MYRIP: variants seen among roughly 807,000 people sequenced by gnomAD.
MYRIP encodes the protein rab effector MyRIP.
In MYRIP, 49 loss-of-function variants were observed where a neutral mutation model predicts 98.0. The ratio of observed to expected loss-of-function variants is 0.50; its 90% CI spans 0.40 to 0.63. The LOEUF (loss-of-function observed/expected upper bound fraction) is 0.63, where lower values mean the gene tolerates loss of function less well. Ranked by LOEUF, MYRIP falls within the 30% of genes least tolerant of loss-of-function variation. The probability of loss-of-function intolerance (pLI) is 0.00; values close to 1 mark genes in which losing one functional copy is unlikely to be tolerated. For missense variants in MYRIP, 1,004 were observed against 1,058.2 expected (o/e 0.95, Z 0.71); for synonymous variants, 404 against 409.5 (o/e 0.99, Z 0.16).
At chr3:39,922,740 G>A (rs1944333056) in intron 2 of MYRIP, among the ~76,000 whole-genome samples, 1 of 152,114 alleles carries the variant, frequency 6.6e-6, no homozygotes, top group Non-Finnish European at 1.5e-5. Context: ...TAAAACAGAG[G>A]TTTAAATAAG....
At chr3:39,882,793 T>C (rs1943186977) in intron 1 of MYRIP, among the ~76,000 whole-genome samples, 1 of 152,180 alleles carries the variant, frequency 6.6e-6, no homozygotes, top group Admixed American at 6.6e-5. Context: ...TTACATACTT[T>C]GAATTAGGAA....
At position 39,905,371 on chromosome 3, in the gene MYRIP, G is replaced by A. The variant is rs560009805; in HGVS notation, c.110+4445G>A. 1.7e-4 allele frequency among the ~76,000 whole-genome samples: 26 copies of A among 152,202 alleles called. No homozygotes were observed. The South Asian group carries it at 5.2e-3, about 30-fold the overall frequency. On this transcript the variant is annotated intron_variant, in intron 2 of 16. Transcript: ENST00000302541. Reference sequence around the variant, plus strand: ...TATATCAGTATTAGACATTCTTTCAGTTTTCTGCTCTGAAATTGGGGACTT... The same window carrying A: ...TATATCAGTATTAGACATTCTTTCAATTTTCTGCTCTGAAATTGGGGACTT...
intron 9 of MYRIP, 61 bp downstream of exon 9, chr3:40,182,434 T>TCCA: frequency 6.5e-7 from 1 of 1,546,266 alleles, no homozygotes; most frequent in Non-Finnish European, 8.8e-7. Flanking sequence ...TTTGGAGACA[T>TCCA]CTTGGCTATT....
chr3:40,063,427 T>G (rs973503765), intron 3 of MYRIP, among the ~76,000 whole-genome samples: 1 of 152,158 alleles, frequency 6.6e-6, no homozygotes, highest in Non-Finnish European at 1.5e-5. Flanking sequence ...TAAAGCAACA[T>G]ATTTATTACT....
At chr3:39,995,583 G>A (rs1264325904) in intron 2 of MYRIP, among the ~76,000 whole-genome samples, 1 of 152,204 alleles carries the variant, frequency 6.6e-6, no homozygotes, top group Non-Finnish European at 1.5e-5. Context: ...AAGTGACGGG[G>A]AGAATGGAAC....
At chr3:39,827,146 T>C (rs1941290267) in intron 1 of MYRIP, among the ~76,000 whole-genome samples, 1 of 152,200 alleles carries the variant, frequency 6.6e-6, no homozygotes, top group African/African-American at 2.4e-5. Context: ...AAGATCTTGC[T>C]TTGCTGCCCA....
At chr3:39,893,659 T>C (rs1229610411) in intron 1 of MYRIP, among the ~76,000 whole-genome samples, 1 of 146,608 alleles carries the variant, frequency 6.8e-6, no homozygotes, top group Non-Finnish European at 1.5e-5. Context: ...ATTAGTTAAT[T>C]ATTTTAAGTG....
At chr3:40,152,698 T>G (rs1034902823) in intron 4 of MYRIP, among the ~76,000 whole-genome samples, 56 of 152,222 alleles carry the variant, frequency 3.7e-4, no homozygotes, top group African/African-American at 1.3e-3. Context: ...CATTCAGGAT[T>G]ACACAGCTGC....
At chr3:39,853,236 T>A (rs1942192119) in intron 1 of MYRIP, among the ~76,000 whole-genome samples, 1 of 152,242 alleles carries the variant, frequency 6.6e-6, no homozygotes, top group South Asian at 2.1e-4. Flanking sequence ...GTGTCTTTTT[T>A]AATATAATGA....
chr3:39,986,424 C>T (rs79943535), intron 2 of MYRIP, among the ~76,000 whole-genome samples: 2,851 of 149,702 alleles, frequency 0.019, 32 homozygotes, highest in Non-Finnish European at 0.032. Context: ...TCCCCACTCC[C>T]TCTCTGTCTC....
rs143756520 is a variant in MYRIP at position 40,057,937 on chromosome 3, T to C, written c.332+13666T>C. 2.1e-4 allele frequency among the ~76,000 whole-genome samples: 32 copies of C among 152,280 alleles called. 1 individual carries two copies. The highest frequency in any genetic ancestry group is 7.5e-4 in the African/African-American group (31 of 41,566). Reference sequence around the variant, plus strand: ...TAACAGTACTTTCCTCAAAAGATTATTGTAGAGGAAAAGAGGGATACAGCA... The same window carrying C: ...TAACAGTACTTTCCTCAAAAGATTACTGTAGAGGAAAAGAGGGATACAGCA... On this transcript the variant is annotated intron_variant, in intron 3 of 16. Transcript: ENST00000302541.
In MYRIP at chr3:40,075,122, A is replaced by G. The variant is rs574592989; in HGVS notation, c.332+30851A>G. The stretch of plus-strand genomic sequence containing the variant: ...AAAATTAACAAAACATTTAAGTTTA[A>G]TGACATCCAGTATTGATACATGTAT... On this transcript the variant is annotated intron_variant, in intron 3 of 16. Transcript: ENST00000302541. Among the ~76,000 whole-genome samples the G allele has an allele frequency of 2.0e-5, 3 of 152,248 alleles. No homozygotes were observed. In the South Asian group the frequency reaches 6.2e-4, roughly 31 times the overall value.
intron 10 of MYRIP, among the ~76,000 whole-genome samples, chr3:40,197,673 C>T (rs1951436298): frequency 6.6e-6 from 1 of 152,164 alleles, no homozygotes. Flanking sequence ...TAGCTTTTTA[C>T]ACCTCTTAAT....
chr3:39,875,543 T>C (rs1411196490), intron 1 of MYRIP, among the ~76,000 whole-genome samples: 1 of 152,004 alleles, frequency 6.6e-6, no homozygotes, highest in Non-Finnish European at 1.5e-5. Context: ...ATGTTGTGTC[T>C]TTGTTCTCGT....
In MYRIP at chr3:40,170,065, G is replaced by A; in HGVS notation, c.845G>A (p.Gly282Glu). 5 of 1,614,192 alleles carry A rather than the reference G, an allele frequency of 3.1e-6. No homozygotes were observed. Among genetic ancestry groups the A allele is most frequent in the Non-Finnish European group, 4.2e-6 (5 of 1,180,038 alleles). The change falls in exon 8 of 17, where the codon GGA (glycine) becomes GAA (glutamate). Residue 282 changes from glycine (G) to glutamate (E), a missense_variant. By Grantham distance (98) the Gly-to-Glu change is moderately conservative. This residue lies in a region of MYRIP where 880 missense variants were observed against 907.7 expected (regional missense o/e 0.97). Transcript: ENST00000302541. ...GATGAGGGGACCTCAGCATCCCCTGGAGGCTACCGTGCTCCCGCTGCCCTC... is the reference window on the plus strand; with the variant it reads ...GATGAGGGGACCTCAGCATCCCCTGAAGGCTACCGTGCTCCCGCTGCCCTC... ...VADEGTSASP[G>E]GYRAPAALWR...
chr3:40,158,288 C>T (rs1406342846), intron 4 of MYRIP, among the ~76,000 whole-genome samples: 5 of 152,114 alleles, frequency 3.3e-5, no homozygotes, highest in African/African-American at 1.2e-4. Flanking sequence ...TGTTCAGTTT[C>T]CATGTAGTTG....
intron 2 of MYRIP, among the ~76,000 whole-genome samples, chr3:39,966,164 C>G (rs925239313): frequency 2.6e-5 from 4 of 152,106 alleles, no homozygotes; most frequent in African/African-American, 7.2e-5. Context: ...CTGAAGGGCT[C>G]TGTCCAATAA....
chr3:39,890,959 A>G (rs1266446611), intron 1 of MYRIP, among the ~76,000 whole-genome samples: 3 of 151,952 alleles, frequency 2.0e-5, no homozygotes, highest in African/African-American at 7.3e-5. Context: ...AGCTTCAGGA[A>G]GCTCTCTCTG....
chr3:39,903,802 T>C (rs1325546414), intron 2 of MYRIP, among the ~76,000 whole-genome samples: 1 of 152,230 alleles, frequency 6.6e-6, no homozygotes, highest in Non-Finnish European at 1.5e-5. Context: ...GGGCCAGTAT[T>C]TTGTTTTCCA....
Sources: gnomAD v4.1 joint callset for allele counts (sites outside exome capture counted in the v4.1 genomes callset) on GRCh38, gnomAD v4.1.1 for gene constraint, gnomAD v4.1.1 regional missense constraint, MANE v1.5 for transcripts, NCBI Gene and HGNC (gene_info 2026-07-23, HGNC 2026-07-21) for gene names.